Variants in RSPO2 observed in about 807,000 individuals in gnomAD.
RSPO2 encodes R-spondin 2.
RSPO2 carries 14 observed loss-of-function variants against 30.9 expected under a neutral mutation model. That is an observed-to-expected ratio of 0.45 (90% CI 0.30 to 0.71). The LOEUF is 0.71. RSPO2 is among the 30% of genes least tolerant of loss of function. The probability of loss-of-function intolerance (pLI) is 0.08; values close to 1 mark genes in which losing one functional copy is unlikely to be tolerated. For synonymous variants in RSPO2, 107 were observed against 96.4 expected (o/e 1.11, Z -0.64); for missense variants, 264 against 301.9 (o/e 0.87, Z 0.93).
chr8:108,017,985 GCTCAGTCTACAGAAT>G (rs1477713657), intron 2 of RSPO2, among the ~76,000 whole-genome samples: 1 of 152,074 alleles, frequency 6.6e-6, no homozygotes, highest in East Asian at 1.9e-4. Flanking sequence ...AAATTTGAAG[GCTCAGTCTACAGAAT>G]CTTGCATCAT....
At chr8:107,934,755 CATTT>C (rs950381657) in intron 5 of RSPO2, among the ~76,000 whole-genome samples, 1 of 152,150 alleles carries the variant, frequency 6.6e-6, no homozygotes, top group African/African-American at 2.4e-5. Context: ...ATTTCATGGA[CATTT>C]ATTAGTTCCC....
At chr8:107,986,250 C>T (rs1044209160) in intron 3 of RSPO2, among the ~76,000 whole-genome samples, 3 of 152,142 alleles carry the variant, frequency 2.0e-5, no homozygotes, top group African/African-American at 7.2e-5. Flanking sequence ...TATCCAAAGT[C>T]GTATACTGTT....
At chr8:108,014,023 G>A (rs372558447) in intron 2 of RSPO2, among the ~76,000 whole-genome samples, 34 of 152,154 alleles carry the variant, frequency 2.2e-4, no homozygotes, top group East Asian at 9.6e-4. Context: ...CCATCAAAAA[G>A]TGGATGAAGA....
chr8:108,027,436 T>C (rs1275506984), intron 2 of RSPO2, among the ~76,000 whole-genome samples: 1 of 152,208 alleles, frequency 6.6e-6, no homozygotes, highest in African/African-American at 2.4e-5. Flanking sequence ...TCTGGTACAA[T>C]GACCAGATTC....
At chr8:108,000,647 C>A (rs1272172306) in intron 2 of RSPO2, among the ~76,000 whole-genome samples, 1 of 151,758 alleles carries the variant, frequency 6.6e-6, no homozygotes, top group East Asian at 1.9e-4. Context: ...AACTGAGAAC[C>A]AGTCAGAGTG....
chr8:108,017,999 A>G (rs1429281759), intron 2 of RSPO2, among the ~76,000 whole-genome samples: 1 of 152,216 alleles, frequency 6.6e-6, no homozygotes, highest in Non-Finnish European at 1.5e-5. Context: ...AGTCTACAGA[A>G]TCTTGCATCA....
chr8:108,003,089 T>C (rs1461547659), intron 2 of RSPO2, among the ~76,000 whole-genome samples: 10 of 149,760 alleles, frequency 6.7e-5, no homozygotes, highest in Admixed American at 4.7e-4. Context: ...TTCATTCTTG[T>C]TGCCCAGGCT....
intron 2 of RSPO2, among the ~76,000 whole-genome samples, chr8:108,003,154 T>A (rs961561913): frequency 6.7e-6 from 1 of 148,958 alleles, no homozygotes; most frequent in Admixed American, 6.8e-5. Flanking sequence ...CAGGTTCAAG[T>A]AATTCTCCTG....
At chr8:107,931,470 T>A (rs905673311) in intron 5 of RSPO2, among the ~76,000 whole-genome samples, 1 of 152,122 alleles carries the variant, frequency 6.6e-6, no homozygotes, top group Non-Finnish European at 1.5e-5. Context: ...GGACACTTAG[T>A]GCTCACGAAA....
chr8:108,049,022 T>C (rs1209893026), intron 2 of RSPO2, among the ~76,000 whole-genome samples: 1 of 151,938 alleles, frequency 6.6e-6, no homozygotes, highest in Non-Finnish European at 1.5e-5. Flanking sequence ...GATTGCACTG[T>C]GGTCTGAGAG....
intron 5 of RSPO2, among the ~76,000 whole-genome samples, chr8:107,935,311 A>G (rs1812685194): frequency 6.6e-6 from 1 of 152,148 alleles, no homozygotes; most frequent in South Asian, 2.1e-4. Context: ...ATATATATTA[A>G]TAACCCAATA....
At chr8:107,994,458 C>T (rs1016605863) in intron 2 of RSPO2, among the ~76,000 whole-genome samples, 1 of 151,772 alleles carries the variant, frequency 6.6e-6, no homozygotes, top group South Asian at 2.1e-4. Context: ...AAGCAAATGT[C>T]GAAATAGCAT....
chr8:107,989,032 G>A (rs1586605723), intron 3 of RSPO2, 24 bp downstream of exon 3: 2 of 1,575,478 alleles, frequency 1.3e-6, no homozygotes, highest in South Asian at 2.4e-5. Context: ...CAGCAATACA[G>A]GATAGACAAA....
chr8:108,047,616 G>A (rs1811944622), intron 2 of RSPO2, among the ~76,000 whole-genome samples: 1 of 152,132 alleles, frequency 6.6e-6, no homozygotes, highest in African/African-American at 2.4e-5. Context: ...TGGAGGCCAA[G>A]GCAGGTGGAC....
intron 2 of RSPO2, among the ~76,000 whole-genome samples, chr8:107,994,466 C>T (rs564523017): frequency 7.9e-5 from 12 of 151,976 alleles, no homozygotes; most frequent in African/African-American, 2.2e-4. Flanking sequence ...GTCGAAATAG[C>T]ATCTAAGATA....
At chr8:108,041,295 T>C (rs891839351) in intron 2 of RSPO2, among the ~76,000 whole-genome samples, 1 of 150,966 alleles carries the variant, frequency 6.6e-6, no homozygotes, top group African/African-American at 2.4e-5. Context: ...AGAGCAAATA[T>C]GCTGCGTTTT....
intron 2 of RSPO2, among the ~76,000 whole-genome samples, chr8:108,059,475 C>G (rs1812375553): frequency 6.6e-6 from 1 of 151,412 alleles, no homozygotes; most frequent in African/African-American, 2.4e-5. Flanking sequence ...CTAGAAATAC[C>G]ATTTGACCCA....
At chr8:107,962,717 C>G (rs1253553937) in intron 3 of RSPO2, among the ~76,000 whole-genome samples, 1 of 151,808 alleles carries the variant, frequency 6.6e-6, no homozygotes, top group Non-Finnish European at 1.5e-5. Context: ...GCAGCCCTTC[C>G]TGCCGTAGTT....
intron 2 of RSPO2, among the ~76,000 whole-genome samples, chr8:108,032,618 G>C (rs1196038153): frequency 2.0e-5 from 3 of 151,856 alleles, no homozygotes; most frequent in Non-Finnish European, 4.4e-5. Flanking sequence ...ATAATAAGCA[G>C]GGTTTTTGTT....
Sources: gnomAD v4.1 joint callset for allele counts (sites outside exome capture counted in the v4.1 genomes callset) on GRCh38, gnomAD v4.1.1 for gene constraint, MANE v1.5 for transcripts, NCBI Gene and HGNC (gene_info 2026-07-23, HGNC 2026-07-21) for gene names.